Variants in ZNF385C observed in about 807,000 individuals in gnomAD.
The protein encoded by ZNF385C is zinc finger protein 385C.
A neutral mutation model predicts 35.4 loss-of-function variants in ZNF385C; 28 were observed. The observed-to-expected ratio is 0.79, with a 90% CI of 0.59 to 1.08. The LOEUF (loss-of-function observed/expected upper bound fraction) is 1.08, where lower values mean the gene tolerates loss of function less well. Ranked by LOEUF, ZNF385C falls within the 50% of genes least tolerant of loss-of-function variation. The probability of loss-of-function intolerance (pLI) is 0.00; values close to 1 mark genes in which losing one functional copy is unlikely to be tolerated. For missense variants in ZNF385C, 605 were observed against 595.6 expected (o/e 1.02, Z -0.16); for synonymous variants, 248 against 248.2 (o/e 1.00, Z 0.01).
intron 1 of ZNF385C, 28 bp from the exon 2 acceptor site, chr17:42,063,086 A>C (rs1555658153): frequency 1.7e-6 from 1 of 593,380 alleles, no homozygotes; most frequent in African/African-American, 1.9e-5. Flanking sequence ...GAGATGAATG[A>C]ACGCCAAATG....
chr17:42,027,566 C>G, intron 8 of ZNF385C, 52 bp downstream of exon 8: 1 of 842,198 alleles, frequency 1.2e-6, no homozygotes, highest in Non-Finnish European at 1.9e-6. Context: ...CCTCCCAGCC[C>G]ACCCTCTCCC....
chr17:42,053,550 G>A (rs1366930252), intron 2 of ZNF385C, among the ~76,000 whole-genome samples: 1 of 152,156 alleles, frequency 6.6e-6, no homozygotes, highest in Non-Finnish European at 1.5e-5. Context: ...TGGGCTCCCT[G>A]GACAGGCATC....
At chr17:42,037,378 TACACACAC>T (rs5820441) in intron 3 of ZNF385C, among the ~76,000 whole-genome samples, 61,208 of 144,386 alleles carry the variant, frequency 0.42, 12,960 homozygotes, top group South Asian at 0.54. Flanking sequence ...AGGCACAGGT[TACACACAC>T]ACACACACAC....
At chr17:42,079,229 T>C (rs1409530157) in intron 1 of ZNF385C, among the ~76,000 whole-genome samples, 1 of 143,154 alleles carries the variant, frequency 7.0e-6, no homozygotes, top group Non-Finnish European at 1.5e-5. Context: ...CATATATATA[T>C]ATATACACAC....
intron 1 of ZNF385C, among the ~76,000 whole-genome samples, chr17:42,091,794 T>A (rs1270672904): frequency 6.6e-6 from 1 of 152,194 alleles, no homozygotes; most frequent in Admixed American, 6.5e-5. Context: ...AGCTGCTAAC[T>A]AGGACAGCAA....
chr17:42,040,034 C>T (rs1308128609), intron 2 of ZNF385C: 4 of 1,231,090 alleles, frequency 3.2e-6, no homozygotes, highest in Non-Finnish European at 3.0e-6. Context: ...CCGAATACTA[C>T]GCGCTTAAAC....
At chr17:42,074,541 G>A (rs1047946004) in intron 1 of ZNF385C, among the ~76,000 whole-genome samples, 12 of 152,162 alleles carry the variant, frequency 7.9e-5, no homozygotes, top group African/African-American at 2.7e-4. Flanking sequence ...ACAGGCGCAT[G>A]CCACTACGCT....
chr17:42,095,547 C>A lies in ZNF385C; in HGVS notation c.-3+2863G>T, dbSNP rs1339947446. 6.6e-6 allele frequency among the ~76,000 whole-genome samples: 1 copy of A among 152,150 alleles called. No homozygotes were observed. The highest frequency in any genetic ancestry group is 1.5e-5 in the Non-Finnish European group (1 of 68,026). On this transcript the variant is annotated intron_variant, in intron 1 of 8. Transcript: ENST00000692273. The surrounding 1 kb of genome is among the most constrained non-coding windows in gnomAD (Gnocchi z 4.4). ...TCCTTGCTCCTGGGGTCCAGTGACCCACACCCTCACCACACACAGGAGAGA... is the reference window on the plus strand; with the variant it reads ...TCCTTGCTCCTGGGGTCCAGTGACCAACACCCTCACCACACACAGGAGAGA...
In ZNF385C at chr17:42,043,053, G is replaced by A. The variant is rs572964501; in HGVS notation, c.251-5168C>T. On this transcript the variant is annotated intron_variant, in intron 2 of 8. Transcript: ENST00000692273. ...AGGCAGGGGTCGTAGCCAGGCCTGG[G>A]CAGGCCCCTCCACCTTCAGCCTGGC... The A allele has an allele frequency of 2.4e-6, 3 of 1,232,332 alleles. No individual in the cohort carries two copies. The African/African-American group carries it at 4.6e-5, about 19-fold the overall frequency. The allele number at this position is 1,232,332 out of a possible 1,614,324, so 76.3% of individuals were successfully genotyped here.
At position 42,078,206 on chromosome 17, in the gene ZNF385C, G is replaced by C. The variant is rs191432111; in HGVS notation, c.-2-15148C>G. On this transcript the variant is annotated intron_variant, in intron 1 of 8. Coordinates refer to ENST00000692273, the MANE Select transcript of ZNF385C (RefSeq NM_001392013.1). ...AGTTTCCCTGGCGGTGTATTGGGGT[G>C]GGGGGATGCAAGGGCCAGGGATCCC... 1.8e-3 allele frequency among the ~76,000 whole-genome samples: 278 copies of C among 152,208 alleles called. 2 individuals carry two copies. Among genetic ancestry groups the C allele is most frequent in the East Asian group, 0.012 (64 of 5,170 alleles).
intron 6 of ZNF385C, chr17:42,028,488 T>C (rs920853590): frequency 1.4e-5 from 8 of 587,070 alleles, no homozygotes; most frequent in South Asian, 2.4e-5. Context: ...ATCTCAGTCC[T>C]TTCCTTCTGG....
At chr17:42,053,918 G>C (rs537896821) in intron 2 of ZNF385C, among the ~76,000 whole-genome samples, 31 of 152,270 alleles carry the variant, frequency 2.0e-4, no homozygotes, top group Non-Finnish European at 3.8e-4. Context: ...CAGAGTGACA[G>C]AGGGAAGGGG....
chr17:42,043,216 C>T (rs782320364), intron 2 of ZNF385C: 414 of 1,232,130 alleles, frequency 3.4e-4, no homozygotes, highest in Middle Eastern at 6.2e-4. Context: ...ATGCTTGTTC[C>T]GTACCAGGGC....
At chr17:42,064,528 G>A (rs147895510) in intron 1 of ZNF385C, among the ~76,000 whole-genome samples, 105 of 152,258 alleles carry the variant, frequency 6.9e-4, no homozygotes, top group Non-Finnish European at 1.3e-3. Flanking sequence ...AAGTTAATGA[G>A]GTCATACCGG....
At chr17:42,072,781 G>A (rs1305446083) in intron 1 of ZNF385C, among the ~76,000 whole-genome samples, 2 of 152,126 alleles carry the variant, frequency 1.3e-5, no homozygotes, top group Admixed American at 6.5e-5. Flanking sequence ...GGGGCTCCCC[G>A]GGTGGGAGGA....
At chr17:42,083,189 C>T (rs1334886347) in intron 1 of ZNF385C, among the ~76,000 whole-genome samples, 1 of 151,850 alleles carries the variant, frequency 6.6e-6, no homozygotes, top group South Asian at 2.1e-4. Context: ...GCTCCTGACT[C>T]GTGACAAAAT....
chr17:42,065,382 A>G (rs991214079), intron 1 of ZNF385C: 3 of 152,254 alleles, frequency 2.0e-5, no homozygotes, highest in Admixed American at 6.6e-5. Context: ...ATCTCCCCAG[A>G]GGGCATTTCC....
intron 2 of ZNF385C, among the ~76,000 whole-genome samples, chr17:42,053,364 A>G (rs926100371): frequency 1.3e-5 from 2 of 152,098 alleles, no homozygotes; most frequent in Admixed American, 6.6e-5. Context: ...TTTGGACCCC[A>G]GTGCAGTGGC....
At chr17:42,058,367 G>A (rs1467631434) in intron 2 of ZNF385C, among the ~76,000 whole-genome samples, 1 of 152,226 alleles carries the variant, frequency 6.6e-6, no homozygotes, top group Non-Finnish European at 1.5e-5. Flanking sequence ...CCGAGACCTC[G>A]TGTCTCAATC....
Sources: allele counts gnomAD v4.1 joint callset (sites outside exome capture counted in the v4.1 genomes callset), GRCh38; gene constraint gnomAD v4.1.1; non-coding constraint Gnocchi (gnomAD v3.1); transcripts MANE v1.5; gene names NCBI Gene and HGNC (gene_info 2026-07-23, HGNC 2026-07-21).